Variants in CACNA1D observed in about 807,000 individuals in gnomAD.
CACNA1D encodes the protein voltage-dependent L-type calcium channel subunit alpha-1D.
A neutral mutation model predicts 257.1 loss-of-function variants in CACNA1D; 55 were observed. The observed-to-expected ratio is 0.21, with a 90% confidence interval of 0.17 to 0.27. The LOEUF is 0.27. Among genes scored for constraint, CACNA1D ranks in the 10% least tolerant of loss-of-function variants. CACNA1D has a pLI of 1.00. For missense variants in CACNA1D, 1,876 were observed against 2,784.0 expected (o/e 0.67, Z 7.34); for synonymous variants, 980 against 1,014.9 (o/e 0.97, Z 0.65).
chr3:53,496,566 A>G (rs1160134213), intron 1 of CACNA1D, among the ~76,000 whole-genome samples: 1 of 152,246 alleles, frequency 6.6e-6, no homozygotes, highest in Non-Finnish European at 1.5e-5. Flanking sequence ...GTGTCAGTGC[A>G]TAATCTAGAT....
chr3:53,613,924 T>G (rs963426528), intron 3 of CACNA1D, among the ~76,000 whole-genome samples: 1 of 151,970 alleles, frequency 6.6e-6, no homozygotes, highest in East Asian at 1.9e-4. Context: ...ATATAAGAAA[T>G]TATTAACCAT....
chr3:53,587,912 G>T (rs2093245496), intron 3 of CACNA1D, among the ~76,000 whole-genome samples: 1 of 152,034 alleles, frequency 6.6e-6, no homozygotes, highest in South Asian at 2.1e-4. Context: ...TACGAATGCT[G>T]GTTCCTGGTC....
At chr3:53,736,372 T>TA (rs1231231323) in intron 20 of CACNA1D, among the ~76,000 whole-genome samples, 1 of 152,096 alleles carries the variant, frequency 6.6e-6, no homozygotes, top group Non-Finnish European at 1.5e-5. Flanking sequence ...TAATGAATGT[T>TA]AAAAAATTTC....
chr3:53,684,361 C>A (rs1181512478), intron 8 of CACNA1D, among the ~76,000 whole-genome samples: 1 of 152,162 alleles, frequency 6.6e-6, no homozygotes, highest in African/African-American at 2.4e-5. Flanking sequence ...GTGGCTTACA[C>A]CTCTAATCCC....
chr3:53,631,720 G>T (rs2093824304), intron 3 of CACNA1D, among the ~76,000 whole-genome samples: 1 of 152,200 alleles, frequency 6.6e-6, no homozygotes, highest in Non-Finnish European at 1.5e-5. Context: ...AGGCTTTTCA[G>T]AGTCAAAATT....
intron 3 of CACNA1D, among the ~76,000 whole-genome samples, chr3:53,554,065 G>A (rs1161546821): frequency 6.6e-6 from 1 of 151,870 alleles, no homozygotes; most frequent in African/African-American, 2.4e-5. Flanking sequence ...GCGTGGTGGT[G>A]GGTGCCTATA....
chr3:53,718,601 C>CCCCCCAAAAAAAA, intron 10 of CACNA1D: 1 of 1,103,202 alleles, frequency 9.1e-7, no homozygotes, highest in Non-Finnish European at 1.3e-6. Context: ...CCCCCCGGCC[C>CCCCCCAAAAAAAA]AGCATTTCAC....
chr3:53,642,873 C>T (rs536422537), intron 3 of CACNA1D, among the ~76,000 whole-genome samples: 1 of 152,328 alleles, frequency 6.6e-6, no homozygotes, highest in South Asian at 2.1e-4. Context: ...TTCACACTTC[C>T]CACAGGCTGG....
At chr3:53,732,667 A>C in intron 18 of CACNA1D, 148 bp from the exon 19 acceptor site, 1 of 783,608 alleles carries the variant, frequency 1.3e-6, no homozygotes, top group Non-Finnish European at 2.2e-6. Flanking sequence ...CACTCAGTCC[A>C]TGTTCTGAAG....
intron 18 of CACNA1D, 116 bp from the exon 19 acceptor site, chr3:53,732,699 T>G (rs202059452): frequency 6.4e-6 from 6 of 932,404 alleles, no homozygotes; most frequent in African/African-American, 3.2e-5. Flanking sequence ...TTTTGATTCA[T>G]GTAAGCAGGT....
chr3:53,641,910 C>G (rs2093956644), intron 3 of CACNA1D, among the ~76,000 whole-genome samples: 1 of 152,156 alleles, frequency 6.6e-6, no homozygotes, highest in African/African-American at 2.4e-5. Context: ...AAATGAGGAG[C>G]TACTGAAGAT....
At chr3:53,806,059 C>T (rs1338051500) in intron 45 of CACNA1D, among the ~76,000 whole-genome samples, 3 of 147,318 alleles carry the variant, frequency 2.0e-5, no homozygotes, top group East Asian at 4.1e-4. Flanking sequence ...CCTCCTCCTC[C>T]TCCCTCATTT....
Position 53,803,566 on chromosome 3 carries a change from G to A in CACNA1D, c.5579G>A (p.Trp1860Ter), listed in dbSNP as rs1236788005. The A allele has an allele frequency of 6.2e-7, 1 of 1,613,886 alleles. No homozygotes were observed. The highest frequency in any genetic ancestry group is 8.5e-7 in the Non-Finnish European group (1 of 1,179,926). Reference sequence around the variant, plus strand: ...TACGAGGATGACAGCTCGCCCACCTGGAGCAGGTGAGCTGCTCTGGCTCCT... The same window carrying A: ...TACGAGGATGACAGCTCGCCCACCTAGAGCAGGTGAGCTGCTCTGGCTCCT... The part of the protein sequence containing the change: ...ECYEDDSSPT[W>*]SRQNYGYYSR... The change falls in exon 44 of 48, where the codon TGG (tryptophan) becomes TAG (stop). Residue 1860 changes from tryptophan (W) to a stop codon, truncating the protein, a stop_gained. Coordinates refer to ENST00000350061, the MANE Select transcript of CACNA1D (RefSeq NM_001128840.3). LOFTEE classifies it high-confidence loss of function.
chr3:53,656,757 A>G (rs1035769228), intron 4 of CACNA1D, among the ~76,000 whole-genome samples: 7 of 152,246 alleles, frequency 4.6e-5, no homozygotes, highest in African/African-American at 1.7e-4. Flanking sequence ...AGATTTGAAC[A>G]GATCTTCACA....
chr3:53,625,878 G>A (rs2093752505), intron 3 of CACNA1D, among the ~76,000 whole-genome samples: 1 of 152,180 alleles, frequency 6.6e-6, no homozygotes, highest in Non-Finnish European at 1.5e-5. Context: ...ATTCAATGCA[G>A]AAAGGACCTG....
At chr3:53,500,432 CAAAAA>C (rs34272886) in intron 2 of CACNA1D, among the ~76,000 whole-genome samples, 1 of 112,914 alleles carries the variant, frequency 8.9e-6, no homozygotes, top group Admixed American at 9.3e-5. Flanking sequence ...GACCCCATCT[CAAAAA>C]AAAAAAAAAA....
At position 53,775,970 on chromosome 3, in the gene CACNA1D, C is replaced by G. The variant is rs571358357; in HGVS notation, c.4287C>G (p.Pro1429=). Residue 1429 remains proline (P), a synonymous_variant, in exon 35 of 48, where the codon CCC becomes CCG. Coordinates refer to ENST00000350061, the MANE Select transcript of CACNA1D (RefSeq NM_001128840.3). ...GTGACCCTGAGTCAGATTACAACCC[C>G]GGGGAGGAGTATACATGTGGGAGCA... is the stretch of plus-strand genomic sequence containing the variant. ...KLCDPESDYN[P]GEEYTCGSNF... The G allele has an allele frequency of 1.9e-6, 3 of 1,613,904 alleles. No homozygotes were observed. The highest frequency in any genetic ancestry group is 1.7e-6 in the Non-Finnish European group (2 of 1,179,798).
intron 31 of CACNA1D, 84 bp from the exon 32 acceptor site, chr3:53,770,340 A>C (rs2109002403): frequency 1.6e-6 from 2 of 1,286,292 alleles, no homozygotes; most frequent in Admixed American, 3.4e-5. Context: ...TACCTCTGTC[A>C]CCTTTGCATC....
chr3:53,655,578 T>C (rs1353861581), intron 4 of CACNA1D, among the ~76,000 whole-genome samples: 1 of 152,240 alleles, frequency 6.6e-6, no homozygotes, highest in Non-Finnish European at 1.5e-5. Flanking sequence ...ATATGAACTT[T>C]TTAAAATATG....
Sources: allele counts gnomAD v4.1 joint callset (sites outside exome capture counted in the v4.1 genomes callset), GRCh38; gene constraint gnomAD v4.1.1; transcripts MANE v1.5; gene names NCBI Gene and HGNC (gene_info 2026-07-23, HGNC 2026-07-21).